RAD51B: variants seen among roughly 807,000 people sequenced by gnomAD.
RAD51B encodes DNA repair protein RAD51 homolog 2.
A neutral mutation model predicts 42.2 loss-of-function variants in RAD51B; 38 were observed. That is an observed-to-expected ratio of 0.90 (90% confidence interval 0.70 to 1.18). The LOEUF is 1.18. RAD51B is among the 50% of genes most tolerant of loss of function. The pLI, the probability that RAD51B is intolerant of heterozygous loss-of-function variation, is 0.00. For synonymous variants in RAD51B, 154 were observed against 145.2 expected, an observed-to-expected ratio of 1.06 and a Z score of -0.43; for missense variants, 373 against 400.7, an observed-to-expected ratio of 0.93 and a Z score of 0.59.
At chr14:68,369,429 TATTGGTG>T (rs1310077581) in intron 8 of RAD51B, among the ~76,000 whole-genome samples, 2 of 152,168 alleles carry the variant, frequency 1.3e-5, no homozygotes, top group Non-Finnish European at 2.9e-5. Flanking sequence ...CAGGAAGTAG[TATTGGTG>T]ATCCACAAAG....
chr14:68,318,021 C>G (rs367852230), intron 8 of RAD51B, among the ~76,000 whole-genome samples: 1 of 152,192 alleles, frequency 6.6e-6, no homozygotes, highest in African/African-American at 2.4e-5. Context: ...TAATTTCACT[C>G]TGTCTGTTAT....
At chr14:67,874,904 A>G (rs549155563) in intron 5 of RAD51B, among the ~76,000 whole-genome samples, 7 of 152,316 alleles carry the variant, frequency 4.6e-5, no homozygotes, top group South Asian at 4.1e-4. Flanking sequence ...GGTTAAGAAT[A>G]AAAAATGAAG....
intron 10 of RAD51B, among the ~76,000 whole-genome samples, chr14:68,648,221 TAA>T (rs531773425): frequency 6.3e-4 from 91 of 145,390 alleles, no homozygotes; most frequent in African/African-American, 2.2e-3. Flanking sequence ...TGTGTGTGAG[TAA>T]AGAGTGTGCA....
chr14:68,182,468 A>G (rs931996721), intron 7 of RAD51B, among the ~76,000 whole-genome samples: 1 of 152,232 alleles, frequency 6.6e-6, no homozygotes, highest in Admixed American at 6.5e-5. Context: ...ATTCTTTTTC[A>G]TATGTCCTTT....
At position 67,998,603 on chromosome 14, in the gene RAD51B, G is replaced by A. The variant is rs539180226; in HGVS notation, c.756+111399G>A. On this transcript the variant is annotated intron_variant, in intron 7 of 10. Transcript: ENST00000471583. ...TTAAAATGAGATATTACATGGCAAA[G>A]TTATCTCAGGGTAAACGCTGCAGCC... 3.3e-5 allele frequency among the ~76,000 whole-genome samples: 5 copies of A among 152,294 alleles called. No individual in the cohort carries two copies. In the South Asian group the frequency reaches 1.0e-3, roughly 32 times the overall value.
downstream of RAD51B, among the ~76,000 whole-genome samples, chr14:68,612,627 G>A (rs955075431): frequency 2.0e-5 from 3 of 152,098 alleles, no homozygotes; most frequent in Non-Finnish European, 2.9e-5. Context: ...AGAGGGGAAC[G>A]GGGAGTTAAT....
intron 9 of RAD51B, among the ~76,000 whole-genome samples, chr14:68,433,914 G>A (rs1306771269): frequency 1.3e-5 from 2 of 152,218 alleles, no homozygotes. Context: ...GTGATGTACA[G>A]ATGGGGTTTT....
At chr14:67,894,875 A>G (rs953064226) in intron 7 of RAD51B, among the ~76,000 whole-genome samples, 4 of 152,116 alleles carry the variant, frequency 2.6e-5, no homozygotes, top group South Asian at 4.1e-4. Context: ...GCCGAGTTCT[A>G]GTGATCCTCC....
intron 7 of RAD51B, among the ~76,000 whole-genome samples, chr14:68,136,575 CAA>C (rs1204817902): frequency 4.3e-3 from 19 of 4,452 alleles, no homozygotes; most frequent in African/African-American, 6.7e-3. Context: ...GACTCCATCT[CAA>C]AAAAAAAAAA....
chr14:68,351,662 A>G (rs1362552431), intron 8 of RAD51B, among the ~76,000 whole-genome samples: 2 of 152,146 alleles, frequency 1.3e-5, no homozygotes, highest in African/African-American at 4.8e-5. Context: ...TGATTAGAGG[A>G]GAGCGCTCTA....
At chr14:67,839,454 A>G (rs1480789566) in intron 4 of RAD51B, among the ~76,000 whole-genome samples, 2 of 152,034 alleles carry the variant, frequency 1.3e-5, no homozygotes, top group East Asian at 1.9e-4. Flanking sequence ...TTTCAAATTT[A>G]TTATAATAAA....
At chr14:68,415,209 A>T (rs2084526398) in intron 9 of RAD51B, among the ~76,000 whole-genome samples, 1 of 152,014 alleles carries the variant, frequency 6.6e-6, no homozygotes, top group Non-Finnish European at 1.5e-5. Flanking sequence ...CCCCCATGTG[A>T]TTCTAATGTG....
intron 10 of RAD51B, among the ~76,000 whole-genome samples, chr14:68,570,929 A>T (rs1889671919): frequency 6.6e-6 from 1 of 151,986 alleles, no homozygotes; most frequent in South Asian, 2.1e-4. Context: ...ACACACACAC[A>T]TCAAATCACA....
chr14:67,922,687 C>CTTTTTTTTTTTT (rs34206440), intron 7 of RAD51B, among the ~76,000 whole-genome samples: 1 of 132,516 alleles, frequency 7.5e-6, no homozygotes, highest in Non-Finnish European at 1.6e-5. Context: ...AATATGTAGT[C>CTTTTTTTTTTTT]TTTTTTTTTT....
chr14:68,570,883 A>ACACACATG (rs1889663413), intron 10 of RAD51B, among the ~76,000 whole-genome samples: 1 of 151,110 alleles, frequency 6.6e-6, no homozygotes, highest in Admixed American at 6.6e-5. Context: ...CCACACACAC[A>ACACACATG]CACACACACA....
At chr14:68,126,687 G>A (rs1162963007) in intron 7 of RAD51B, among the ~76,000 whole-genome samples, 2 of 152,132 alleles carry the variant, frequency 1.3e-5, no homozygotes, top group African/African-American at 4.8e-5. Flanking sequence ...AATCAAAATG[G>A]ATTCTTCTGC....
At chr14:67,952,203 G>C (rs2074466012) in intron 7 of RAD51B, among the ~76,000 whole-genome samples, 1 of 142,430 alleles carries the variant, frequency 7.0e-6, no homozygotes, top group Non-Finnish European at 1.5e-5. Flanking sequence ...ATGCTCACTG[G>C]CTTCATTTAT....
At chr14:68,314,512 G>A (rs924226631) in intron 8 of RAD51B, among the ~76,000 whole-genome samples, 10 of 152,118 alleles carry the variant, frequency 6.6e-5, no homozygotes, top group African/African-American at 2.2e-4. Flanking sequence ...TCAGCCCCTG[G>A]CATTTGTTCA....
At chr14:68,061,499 A>T (rs113912291) in intron 7 of RAD51B, among the ~76,000 whole-genome samples, 16 of 152,226 alleles carry the variant, frequency 1.1e-4, no homozygotes, top group African/African-American at 3.9e-4. Flanking sequence ...GGTCATTTTA[A>T]TATTTTTTAG....
Sources: allele counts gnomAD v4.1 joint callset (sites outside exome capture counted in the v4.1 genomes callset), GRCh38; gene constraint gnomAD v4.1.1; transcripts MANE v1.5; gene names NCBI Gene and HGNC (gene_info 2026-07-23, HGNC 2026-07-21).